The following MPHOSPH10 variants were observed in gnomAD, a reference collection of about 807,000 sequenced individuals.
The protein encoded by MPHOSPH10 is M-phase phosphoprotein 10.
A neutral mutation model predicts 77.3 loss-of-function variants in MPHOSPH10; 33 were observed. That is an observed-to-expected ratio of 0.43 (90% confidence interval 0.32 to 0.57). MPHOSPH10 has a LOEUF of 0.57. Among genes scored for constraint, MPHOSPH10 ranks in the 20% least tolerant of loss-of-function variants. The probability of loss-of-function intolerance (pLI) is 0.07; values close to 1 mark genes in which losing one functional copy is unlikely to be tolerated. For missense variants in MPHOSPH10, 708 were observed against 780.1 expected (o/e 0.91, Z 1.10); for synonymous variants, 245 against 268.0 (o/e 0.91, Z 0.84).
At position 71,130,730 on chromosome 2, in the gene MPHOSPH10, C is replaced by A. The variant is rs374934876; in HGVS notation, c.65C>A (p.Thr22Lys). ...ERCLTEVGKA[T>K]GRPECFLTIQ... is the part of the protein sequence containing the mutation. ...TGTCTGACGGAAGTCGGCAAAGCCA[C>A]GGGTCGGCCCGAGTGCTTCCTCACG... Residue 22 changes from threonine (T) to lysine (K), a missense_variant, in exon 1 of 11, where the codon ACG becomes AAG. Around this residue, in one of 3 missense-constraint regions of MPHOSPH10, gnomAD observed 433 missense variants for 432.6 expected, o/e 1.00. Transcript: ENST00000244230. 3.2e-5 allele frequency: 51 copies of A among 1,610,226 alleles called. No individual in the cohort carries two copies. The highest frequency in any genetic ancestry group is 2.3e-5 in the Non-Finnish European group (27 of 1,179,016).
rs201817555 is a variant in MPHOSPH10 at position 71,144,530 on chromosome 2, C to T, written c.1549C>T (p.Pro517Ser). Residue 517 changes from proline (P) to serine (S), a missense_variant, in exon 8 of 11, where the codon CCT (proline) becomes TCT (serine). Pro to Ser is a moderately conservative substitution (Grantham distance 74). Transcript: ENST00000244230. ...TGCCCTCTCAAACTTCCACTTTATC[C>T]CTAAACCGGTAAGTGTGTTAACAGT... ...LDALSNFHFI[P>S]KPPVPEIKVV... The T allele has an allele frequency of 6.8e-6, 11 of 1,610,362 alleles. No individual in the cohort carries two copies. The Middle Eastern group carries it at 6.6e-4, about 97-fold the overall frequency.
intron 8 of MPHOSPH10, among the ~76,000 whole-genome samples, chr2:71,147,482 G>A (rs1043654746): frequency 6.6e-6 from 1 of 152,108 alleles, no homozygotes; most frequent in African/African-American, 2.4e-5. Context: ...GATCATCCTG[G>A]CTAACACGGT....
chr2:71,133,763 A>G (rs1310118498), intron 2 of MPHOSPH10, among the ~76,000 whole-genome samples, 185 bp from the exon 3 acceptor site: 3 of 152,164 alleles, frequency 2.0e-5, no homozygotes, highest in Non-Finnish European at 4.4e-5. Flanking sequence ...ATTTTGTGGT[A>G]GTGTTATTAG....
rs1673437991 is a variant in MPHOSPH10, at chr2:71,133,990, G to T, written c.811G>T (p.Asp271Tyr). The change falls in exon 3 of 11, where the codon GAT becomes TAT. Residue 271 changes from aspartate (D) to tyrosine (Y), a missense_variant. Around this residue, in one of 3 missense-constraint regions of MPHOSPH10, gnomAD observed 433 missense variants for 432.6 expected, o/e 1.00. Coordinates refer to ENST00000244230, the MANE Select transcript of MPHOSPH10 (RefSeq NM_005791.3). ...AAATCTGAAATACAAAGATTTTTTT[G>T]ATCCAGTTGAAAGTGATGAAGACAT... ...SRNLKYKDFFDPVESDEDITN... is the reference protein window; with the variant it reads ...SRNLKYKDFFYPVESDEDITN... 1.9e-6 allele frequency: 3 copies of T among 1,584,336 alleles called. No homozygotes were observed. The highest frequency in any genetic ancestry group is 1.7e-4 in the Middle Eastern group (1 of 5,904).
At chr2:71,148,163 A>G (rs779288028) in intron 9 of MPHOSPH10, 57 bp downstream of exon 9, 16 of 1,418,824 alleles carry the variant, frequency 1.1e-5, no homozygotes, top group Non-Finnish European at 1.5e-5. Flanking sequence ...GATCATAGCC[A>G]GACTCCATTT....
intron 9 of MPHOSPH10, 195 bp from the exon 10 acceptor site, chr2:71,149,028 A>C: frequency 1.6e-6 from 1 of 611,868 alleles, no homozygotes; most frequent in Admixed American, 3.0e-5. Context: ...TGTGCCTGTC[A>C]AAGAATGCAT....
At position 71,133,465 on chromosome 2, in the gene MPHOSPH10, A is replaced by G. The variant is rs763524740; in HGVS notation, c.657A>G (p.Lys219=). The change falls in exon 2 of 11, where the codon AAA becomes AAG. Residue 219 remains lysine (K), a synonymous_variant. Coordinates refer to ENST00000244230, the MANE Select transcript of MPHOSPH10 (RefSeq NM_005791.3). ...AGGCCTATTTAGAAAACATAGAAAA[A>G]GAAGAGGAACGAAAAGATGATAATG... ...EMEAYLENIE[K]EEERKDDNDE... 6.2e-7 allele frequency: 1 copy of G among 1,613,864 alleles called. No individual in the cohort carries two copies. Among genetic ancestry groups the G allele is most frequent in the East Asian group, 2.2e-5 (1 of 44,882 alleles).
intron 10 of MPHOSPH10, 141 bp from the exon 11 acceptor site, chr2:71,149,725 A>G: frequency 2.6e-6 from 2 of 782,228 alleles, no homozygotes; most frequent in Non-Finnish European, 4.1e-6. Context: ...CCTCTATGCT[A>G]ACTGATTCAG....
chr2:71,130,926 A>C (rs1029119583), intron 1 of MPHOSPH10, 172 bp downstream of exon 1: 12 of 618,280 alleles, frequency 1.9e-5, no homozygotes, highest in African/African-American at 7.5e-5. Flanking sequence ...AAAAACTGTT[A>C]AAATTTGTAT....
At chr2:71,148,490 G>A (rs1244067561) in intron 9 of MPHOSPH10, 1 of 176,944 alleles carries the variant, frequency 5.7e-6, no homozygotes, top group Non-Finnish European at 1.2e-5. Context: ...ATTAGTAATG[G>A]AATCTGAATC....
intron 7 of MPHOSPH10, among the ~76,000 whole-genome samples, 190 bp downstream of exon 7, chr2:71,141,559 G>C (rs1285766876): frequency 6.6e-6 from 1 of 152,146 alleles, no homozygotes; most frequent in Non-Finnish European, 1.5e-5. Flanking sequence ...GTTGAGGGGG[G>C]TTGCTTTGCA....
chr2:71,141,994 T>C (rs1673623027), intron 7 of MPHOSPH10, among the ~76,000 whole-genome samples: 1 of 152,064 alleles, frequency 6.6e-6, no homozygotes, highest in Admixed American at 6.5e-5. Flanking sequence ...ATCGCGCCAC[T>C]GCTCTCCAGC....
At chr2:71,141,488 A>G in intron 7 of MPHOSPH10, 119 bp downstream of exon 7, 1 of 799,314 alleles carries the variant, frequency 1.3e-6, no homozygotes, top group Non-Finnish European at 1.8e-6. Context: ...TACCTCATGT[A>G]AGTATGAGAC....
intron 9 of MPHOSPH10, chr2:71,148,368 C>T (rs1296713362): frequency 6.1e-6 from 2 of 326,604 alleles, no homozygotes; most frequent in Non-Finnish European, 1.1e-5. Flanking sequence ...TATTATAATC[C>T]AATCTGAATA....
intron 8 of MPHOSPH10, 91 bp from the exon 9 acceptor site, chr2:71,147,907 AT>A (rs1673749322): frequency 1.1e-6 from 1 of 930,994 alleles, no homozygotes; most frequent in African/African-American, 1.7e-5. Context: ...AGTATTTTAT[AT>A]ATTATACTTT....
At chr2:71,142,364 A>G (rs1251042845) in intron 7 of MPHOSPH10, among the ~76,000 whole-genome samples, 1 of 152,230 alleles carries the variant, frequency 6.6e-6, no homozygotes. Context: ...GTACAGTTTC[A>G]TTTGAATCTT....
At position 71,134,095 on chromosome 2, in the gene MPHOSPH10, A is replaced by G. The variant is rs371424427; in HGVS notation, c.916A>G (p.Ile306Val). Residue 306 changes from isoleucine to valine, a missense_variant, in exon 3 of 11, where the codon ATT becomes GTT. Physicochemically the swap from Ile to Val is conservative, Grantham distance 29 (BLOSUM62 3). Transcript: ENST00000244230. ...IAEEEAEELS[I>V]SETDEDDDLQ... ...TGAAGAAGAAGCAGAAGAACTAAGTATTTCGGAAACGTGAGTATTTTGAAC... is the reference window on the plus strand; with the variant it reads ...TGAAGAAGAAGCAGAAGAACTAAGTGTTTCGGAAACGTGAGTATTTTGAAC... 8.7e-6 allele frequency: 14 copies of G among 1,604,574 alleles called. No homozygotes were observed. Among genetic ancestry groups the G allele is most frequent in the Non-Finnish European group, 1.2e-5 (14 of 1,176,590 alleles).
rs534308271 is a variant in MPHOSPH10, at chr2:71,148,235, G to A, written c.1665+129G>A. 29 of 735,690 alleles carry A rather than the reference G, an allele frequency of 3.9e-5. No individual in the cohort carries two copies. The East Asian group carries it at 7.3e-4, about 18-fold the overall frequency. The allele number at this position is 735,690 out of a possible 1,614,324, so 45.6% of individuals were successfully genotyped here. A position where few individuals can be genotyped will look rare whatever the true frequency, so the allele number is the denominator to read the frequency against. On this transcript the variant is annotated intron_variant, in intron 9 of 10. Transcript: ENST00000244230. ...TCCAATGTATCTCAGCAGTTTCTAA[G>A]TATAAGCAAACTAGTAATGTTATAA... is the stretch of plus-strand genomic sequence containing the variant.
At chr2:71,139,883 AC>A in intron 6 of MPHOSPH10, 21 bp downstream of exon 6, 1 of 1,512,590 alleles carries the variant, frequency 6.6e-7, no homozygotes, top group Non-Finnish European at 9.1e-7. Flanking sequence ...ATTAAATTTA[AC>A]TTAATCAAAA....
Sources: allele counts gnomAD v4.1 joint callset (sites outside exome capture counted in the v4.1 genomes callset), GRCh38; gene constraint gnomAD v4.1.1; regional missense constraint gnomAD v4.1.1; transcripts MANE v1.5; gene names NCBI Gene and HGNC (gene_info 2026-07-23, HGNC 2026-07-21).